The following CDC42BPA variants were observed in gnomAD, a reference collection of about 807,000 sequenced individuals.
CDC42BPA encodes CDC42 binding protein kinase alpha.
CDC42BPA carries 80 observed loss-of-function variants against 223.5 expected under a neutral mutation model. The ratio of observed to expected loss-of-function variants is 0.36; its 90% CI spans 0.30 to 0.43. The LOEUF is 0.43. Among genes scored for constraint, CDC42BPA ranks in the 20% least tolerant of loss-of-function variants. CDC42BPA has a pLI of 1.00. For missense variants in CDC42BPA, 1,743 were observed against 2,099.9 expected (o/e 0.83, Z 3.32); for synonymous variants, 694 against 718.6 (o/e 0.97, Z 0.55).
intron 1 of CDC42BPA, among the ~76,000 whole-genome samples, chr1:227,259,376 A>G (rs1683660960): frequency 1.3e-5 from 2 of 151,098 alleles, no homozygotes; most frequent in Admixed American, 1.3e-4. Flanking sequence ...AGCAAAAGAG[A>G]AAATCAGTTC....
intron 1 of CDC42BPA, among the ~76,000 whole-genome samples, chr1:227,315,630 T>TA: frequency 6.6e-6 from 1 of 151,786 alleles, no homozygotes; most frequent in African/African-American, 2.4e-5. Context: ...ACATGGGATG[T>TA]AAAACTACAT....
intron 2 of CDC42BPA, among the ~76,000 whole-genome samples, chr1:227,225,656 C>T (rs1676726480): frequency 6.6e-6 from 1 of 152,164 alleles, no homozygotes; most frequent in Non-Finnish European, 1.5e-5. Flanking sequence ...CATTCATCTC[C>T]TGACTTTATT....
At chr1:227,266,518 G>A (rs1464077) in intron 1 of CDC42BPA, among the ~76,000 whole-genome samples, 22,811 of 152,074 alleles carry the variant, frequency 0.15, 2,077 homozygotes, top group African/African-American at 0.24. Context: ...TAGTTGTATT[G>A]TTATGGCCAA....
intron 21 of CDC42BPA, among the ~76,000 whole-genome samples, chr1:227,064,148 C>T (rs1225066358): frequency 1.3e-5 from 2 of 151,978 alleles, no homozygotes; most frequent in Non-Finnish European, 2.9e-5. Flanking sequence ...TTTATATTCC[C>T]GAGCTTAATC....
At chr1:227,256,548 C>T (rs1683055869) in intron 1 of CDC42BPA, among the ~76,000 whole-genome samples, 2 of 151,980 alleles carry the variant, frequency 1.3e-5, no homozygotes, top group Non-Finnish European at 2.9e-5. Flanking sequence ...CTCAACATCA[C>T]TAATCATTAA....
chr1:227,035,710 T>C (rs1670085621), intron 24 of CDC42BPA, 103 bp from the exon 25 acceptor site: 1 of 714,830 alleles, frequency 1.4e-6, no homozygotes, highest in Non-Finnish European at 2.2e-6. Flanking sequence ...TGAATGCTTA[T>C]CTCCAATTTT....
At chr1:227,016,876 G>A (rs1666383370) in intron 33 of CDC42BPA, 51 bp downstream of exon 33, 1 of 1,538,516 alleles carries the variant, frequency 6.5e-7, no homozygotes, top group Admixed American at 2.0e-5. Context: ...TCACCGAGTA[G>A]TCCTTGATGG....
At chr1:227,111,172 G>C (rs1436392683) in intron 14 of CDC42BPA, among the ~76,000 whole-genome samples, 4 of 152,178 alleles carry the variant, frequency 2.6e-5, no homozygotes, top group Non-Finnish European at 5.9e-5. Flanking sequence ...ACATGTTATG[G>C]ATAATTAGAC....
chr1:227,007,707 A>G (rs1230118584), intron 34 of CDC42BPA, among the ~76,000 whole-genome samples: 1 of 152,238 alleles, frequency 6.6e-6, no homozygotes, highest in African/African-American at 2.4e-5. Flanking sequence ...GTAGCTTAAC[A>G]TAGAGAATAC....
Position 227,317,717 on chromosome 1 carries a change from T to A in CDC42BPA, c.-535A>T. ...AAACCAAAAATGTTGCTGCAAATCC[T>A]CCCAACCACCACTTGGATAATGCAT... On this transcript the variant is annotated 5_prime_UTR_variant, in exon 1 of 37. Transcript: ENST00000366766. 2.5e-6 allele frequency: 1 copy of A among 398,412 alleles called. No homozygotes were observed. Among genetic ancestry groups the A allele is most frequent in the East Asian group, 3.6e-5 (1 of 28,056 alleles). The allele number at this position is 398,412 out of a possible 1,614,324, so 24.7% of individuals were successfully genotyped here. A position where few individuals can be genotyped will look rare whatever the true frequency, so the allele number is the denominator to read the frequency against.
intron 1 of CDC42BPA, among the ~76,000 whole-genome samples, chr1:227,289,296 A>C (rs1227640042): frequency 1.3e-5 from 2 of 152,110 alleles, no homozygotes; most frequent in Admixed American, 1.3e-4. Context: ...ACTCACTCTA[A>C]TCCAGCCACA....
chr1:227,028,121 C>A (rs74873145), intron 30 of CDC42BPA, among the ~76,000 whole-genome samples: 102 of 140,272 alleles, frequency 7.3e-4, no homozygotes, highest in Admixed American at 9.2e-4. Flanking sequence ...CTCCATCTCT[C>A]AAAAAAAAAA....
chr1:227,174,716 G>T (rs1289309037), intron 5 of CDC42BPA, among the ~76,000 whole-genome samples: 1 of 152,136 alleles, frequency 6.6e-6, no homozygotes, highest in African/African-American at 2.4e-5. Context: ...CCATAAATAA[G>T]TTAACTGGTT....
intron 16 of CDC42BPA, among the ~76,000 whole-genome samples, chr1:227,086,050 AT>A (rs539669380): frequency 7.2e-5 from 11 of 152,188 alleles, no homozygotes; most frequent in Non-Finnish European, 1.3e-4. Flanking sequence ...CTGTAGAAAC[AT>A]TTTCTGAAAT....
chr1:227,091,901 C>T lies in CDC42BPA; in HGVS notation c.2340G>A (p.Thr780=), dbSNP rs376314003. The T allele has an allele frequency of 5.6e-6, 9 of 1,594,398 alleles. No homozygotes were observed. Among genetic ancestry groups the T allele is most frequent in the African/African-American group, 4.0e-5 (3 of 74,384 alleles). The change falls in exon 16 of 37, where the codon ACG becomes ACA. Residue 780 remains threonine, a synonymous_variant. Coordinates refer to ENST00000366766, the MANE Select transcript of CDC42BPA (RefSeq NM_001394014.1). ...VLLTEENKKL[T]SELDKLTTLY... ...AATCACTCACCTTATCAAGTTCACTCGTCAGCTTTTTATTTTCTTCAGTTA... is the reference window on the plus strand; with the variant it reads ...AATCACTCACCTTATCAAGTTCACTTGTCAGCTTTTTATTTTCTTCAGTTA...
chr1:227,043,744 T>C (rs952535654), intron 23 of CDC42BPA, among the ~76,000 whole-genome samples: 9 of 152,340 alleles, frequency 5.9e-5, no homozygotes, highest in Non-Finnish European at 1.2e-4. Context: ...GTGTTTCTGT[T>C]ATATATCAAT....
At chr1:227,019,893 C>T (rs1667054760) in intron 32 of CDC42BPA, among the ~76,000 whole-genome samples, 1 of 151,954 alleles carries the variant, frequency 6.6e-6, no homozygotes, top group South Asian at 2.1e-4. Flanking sequence ...AGTAGAGTTA[C>T]CATAATTCTT....
intron 2 of CDC42BPA, among the ~76,000 whole-genome samples, chr1:227,233,533 C>A (rs1678421391): frequency 6.6e-6 from 1 of 152,120 alleles, no homozygotes; most frequent in African/African-American, 2.4e-5. Context: ...TTTCTGAGTT[C>A]TTGTAACATA....
intron 4 of CDC42BPA, among the ~76,000 whole-genome samples, chr1:227,196,619 A>C (rs148170395): frequency 1.3e-5 from 2 of 152,198 alleles, no homozygotes; most frequent in African/African-American, 4.8e-5. Context: ...GATTACAGGC[A>C]TGAGCCACCG....
Sources: gnomAD v4.1 joint callset for allele counts (sites outside exome capture counted in the v4.1 genomes callset) on GRCh38, gnomAD v4.1.1 for gene constraint, MANE v1.5 for transcripts, NCBI Gene and HGNC (gene_info 2026-07-23, HGNC 2026-07-21) for gene names.